Variants in KIAA1958 observed in about 807,000 individuals in gnomAD.
KIAA1958 encodes the protein uncharacterized protein KIAA1958.
In KIAA1958, 14 loss-of-function variants were observed where a neutral mutation model predicts 47.2. That is an observed-to-expected ratio of 0.30 (90% CI 0.20 to 0.46). The LOEUF is 0.46. Ranked by LOEUF, KIAA1958 falls within the 20% of genes least tolerant of loss-of-function variation. The probability of loss-of-function intolerance (pLI) is 1.00; values close to 1 mark genes in which losing one functional copy is unlikely to be tolerated. For synonymous variants in KIAA1958, 354 were observed against 353.3 expected (o/e 1.00, Z -0.02); for missense variants, 803 against 909.2 (o/e 0.88, Z 1.50).
At chr9:112,623,198 G>C (rs1372355708) in intron 2 of KIAA1958, among the ~76,000 whole-genome samples, 1 of 152,216 alleles carries the variant, frequency 6.6e-6, no homozygotes, top group Admixed American at 6.5e-5. Context: ...ATGCATCAGA[G>C]TGTACAGATC....
At chr9:112,595,614 G>A (rs1836008494) in intron 2 of KIAA1958, among the ~76,000 whole-genome samples, 1 of 149,774 alleles carries the variant, frequency 6.7e-6, no homozygotes, top group Non-Finnish European at 1.5e-5. Flanking sequence ...GGAGGCAGAG[G>A]TTGCAGTGAG....
At chr9:112,628,834 T>C (rs1406232369) in intron 2 of KIAA1958, among the ~76,000 whole-genome samples, 3 of 152,220 alleles carry the variant, frequency 2.0e-5, no homozygotes, top group East Asian at 3.8e-4. Context: ...CAATTTTAAA[T>C]GTTTTCACTG....
At chr9:112,491,155 G>A (rs1244556536) in intron 1 of KIAA1958, among the ~76,000 whole-genome samples, 2 of 152,078 alleles carry the variant, frequency 1.3e-5, no homozygotes, top group African/African-American at 4.8e-5. Flanking sequence ...TTGTAGCGAT[G>A]GGGTCTTGCG....
intron 2 of KIAA1958, among the ~76,000 whole-genome samples, chr9:112,613,359 A>T (rs567117193): frequency 7.9e-5 from 12 of 152,318 alleles, no homozygotes; most frequent in Non-Finnish European, 1.0e-4. Context: ...TGGATGGCAG[A>T]TCAAAATGTG....
intron 2 of KIAA1958, among the ~76,000 whole-genome samples, chr9:112,585,284 TG>T (rs1413855430): frequency 6.6e-6 from 1 of 152,146 alleles, no homozygotes; most frequent in Non-Finnish European, 1.5e-5. Context: ...CAACTTCAAG[TG>T]TATAAGGAGG....
intron 1 of KIAA1958, among the ~76,000 whole-genome samples, chr9:112,491,104 A>G (rs1253509252): frequency 6.6e-6 from 1 of 152,304 alleles, no homozygotes; most frequent in East Asian, 1.9e-4. Flanking sequence ...AGCTGGGACT[A>G]CAGGCACGTG....
intron 1 of KIAA1958, among the ~76,000 whole-genome samples, chr9:112,556,990 TTTTG>T (rs1022229051): frequency 6.6e-6 from 1 of 152,060 alleles, no homozygotes; most frequent in Non-Finnish European, 1.5e-5. Context: ...AGTGTTTTGT[TTTTG>T]TTTTTGTTTT....
At chr9:112,573,700 CCTCT>C (rs748853526) in intron 1 of KIAA1958, among the ~76,000 whole-genome samples, 1 of 152,182 alleles carries the variant, frequency 6.6e-6, no homozygotes, top group Non-Finnish European at 1.5e-5. Flanking sequence ...ACCATCTGAA[CCTCT>C]CTGTCAGTGA....
chr9:112,588,234 G>T (rs1220011253), intron 2 of KIAA1958, among the ~76,000 whole-genome samples: 2 of 152,184 alleles, frequency 1.3e-5, no homozygotes, highest in African/African-American at 2.4e-5. Context: ...CACTTTCACA[G>T]TGTAAATATT....
intron 1 of KIAA1958, among the ~76,000 whole-genome samples, chr9:112,529,539 T>C (rs901313325): frequency 1.3e-5 from 2 of 152,204 alleles, no homozygotes; most frequent in African/African-American, 4.8e-5. Context: ...GACATACTGG[T>C]GAGGTATTCT....
In KIAA1958 at chr9:112,525,999, CTTT is replaced by C. The variant is rs766281135; in HGVS notation, c.-25+38890_-25+38892del. Among the ~76,000 whole-genome samples the C allele has an allele frequency of 3.1e-3, 2 of 654 alleles. 1 individual carries two copies. The highest frequency in any genetic ancestry group is 5.8e-3 in the Non-Finnish European group (2 of 344). 0.4% of individuals were successfully genotyped at this position (654 alleles called of 152,430 possible). ...TCTTCTTCTTCTTCTTCTTCTTCTT[CTTT>C]TTTTTTTTAAAGAGATGGGGTCTCA... is the stretch of plus-strand genomic sequence containing the variant. On this transcript the variant is annotated intron_variant, in intron 1 of 3. Coordinates refer to ENST00000337530, the MANE Select transcript of KIAA1958 (RefSeq NM_133465.4).
At chr9:112,588,848 T>C (rs1665547146) in intron 2 of KIAA1958, among the ~76,000 whole-genome samples, 1 of 152,110 alleles carries the variant, frequency 6.6e-6, no homozygotes. Flanking sequence ...TTTTCCCCCT[T>C]GTTTTGGTGG....
chr9:112,617,864 G>T (rs1299110315), intron 2 of KIAA1958: 2 of 1,538,422 alleles, frequency 1.3e-6, no homozygotes, highest in South Asian at 1.2e-5. Flanking sequence ...CCCCCAATTT[G>T]TTGCAGACCA....
chr9:112,659,221 G>A (rs747677537), intron 3 of KIAA1958, 42 bp from the exon 4 acceptor site: 9 of 1,538,632 alleles, frequency 5.8e-6, no homozygotes, highest in Non-Finnish European at 8.0e-6. Context: ...GTCTGGCTGT[G>A]TGAGTGTCAA....
intron 1 of KIAA1958, among the ~76,000 whole-genome samples, chr9:112,487,770 A>G (rs1013660479): frequency 4.6e-5 from 7 of 152,130 alleles, no homozygotes; most frequent in African/African-American, 1.7e-4. Context: ...TATCAAATAT[A>G]TCGAGAAATG....
At chr9:112,656,381 A>G in intron 3 of KIAA1958, among the ~76,000 whole-genome samples, 1 of 150,474 alleles carries the variant, frequency 6.6e-6, no homozygotes, top group Non-Finnish European at 1.5e-5. Context: ...TCAAAAAAAA[A>G]AAAAAAAAAA....
intron 1 of KIAA1958, among the ~76,000 whole-genome samples, chr9:112,522,943 A>G (rs1834574410): frequency 6.6e-6 from 1 of 152,142 alleles, no homozygotes; most frequent in Non-Finnish European, 1.5e-5. Context: ...CATGGCCCAG[A>G]TTGCTTTTAG....
At chr9:112,508,136 A>C (rs1211774653) in intron 1 of KIAA1958, among the ~76,000 whole-genome samples, 2 of 152,220 alleles carry the variant, frequency 1.3e-5, no homozygotes, top group Admixed American at 1.3e-4. Context: ...ACTTTCTTTT[A>C]AGAATAGAAA....
rs560013892 is a variant in KIAA1958, at chr9:112,659,019, C to CAA, written c.1345-220_1345-219dup. ...TGGGCGACAGAGCAAGACTCTGACT[C>CAA]AAAAAAAAAAAAAAAAAAAAAAAAA... On this transcript the variant is annotated intron_variant, in intron 3 of 3. Coordinates refer to ENST00000337530, the MANE Select transcript of KIAA1958 (RefSeq NM_133465.4). Among the ~76,000 whole-genome samples the CAA allele has an allele frequency of 7.3e-3, 416 of 57,378 alleles. 3 individuals carry two copies. Among genetic ancestry groups the CAA allele is most frequent in the African/African-American group, 8.7e-3 (141 of 16,242 alleles). 37.6% of individuals were successfully genotyped at this position (57,378 alleles called of 152,430 possible).
Sources: gnomAD v4.1 joint callset for allele counts (sites outside exome capture counted in the v4.1 genomes callset) on GRCh38, gnomAD v4.1.1 for gene constraint, MANE v1.5 for transcripts, NCBI Gene and HGNC (gene_info 2026-07-23, HGNC 2026-07-21) for gene names.